The following B4GALNT2 variants were observed in gnomAD, a reference collection of about 807,000 sequenced individuals.
The protein encoded by B4GALNT2 is beta-1,4-N-acetyl-galactosaminyltransferase 2 (SID blood group).
B4GALNT2 carries 42 observed loss-of-function variants against 51.1 expected under a neutral mutation model. The observed-to-expected ratio is 0.82, with a 90% CI of 0.64 to 1.06. B4GALNT2 has a LOEUF of 1.06. Ranked by LOEUF, B4GALNT2 falls within the 50% of genes least tolerant of loss-of-function variation. The pLI, the probability that B4GALNT2 is intolerant of heterozygous loss-of-function variation, is 0.00. For synonymous variants in B4GALNT2, 253 were observed against 251.7 expected, an observed-to-expected ratio of 1.01 and a Z score of -0.05; for missense variants, 602 against 633.6, an observed-to-expected ratio of 0.95 and a Z score of 0.54.
chr17:49,143,668 G>A (rs2042666253), intron 3 of B4GALNT2, among the ~76,000 whole-genome samples: 1 of 152,188 alleles, frequency 6.6e-6, no homozygotes, highest in South Asian at 2.1e-4. Context: ...ACTGCAGACT[G>A]GGTAATTTAT....
At chr17:49,146,755 T>G (rs1202787298) in intron 3 of B4GALNT2, among the ~76,000 whole-genome samples, 1 of 152,224 alleles carries the variant, frequency 6.6e-6, no homozygotes, top group Non-Finnish European at 1.5e-5. Flanking sequence ...AAGGCCTCTA[T>G]GAGAGCTAAA....
upstream of B4GALNT2, chr17:49,132,628 G>A: frequency 1.4e-6 from 1 of 696,554 alleles, no homozygotes; most frequent in Non-Finnish European, 2.1e-6. Flanking sequence ...AGATGGGGGC[G>A]CTGGTGTGGG....
At chr17:49,141,637 A>C (rs6504600) in intron 2 of B4GALNT2, among the ~76,000 whole-genome samples, 190 bp downstream of exon 2, 12,199 of 152,212 alleles carry the variant, frequency 0.08, 605 homozygotes, top group South Asian at 0.15. Context: ...TCTCTATAGC[A>C]TCCAGCAAAA....
chr17:49,170,031 T>C lies in B4GALNT2; in HGVS notation c.*303T>C, dbSNP rs16946920. 0.11 allele frequency: 27,939 copies of C among 259,976 alleles called. 1,698 individuals carry two copies. The highest frequency in any genetic ancestry group is 0.19 in the South Asian group (1,201 of 6,446). The allele number at this position is 259,976 out of a possible 1,614,324, so 16.1% of individuals were successfully genotyped here. A position where few individuals can be genotyped will look rare whatever the true frequency, so the allele number is the denominator to read the frequency against. On this transcript the variant is annotated 3_prime_UTR_variant, in exon 11 of 11. Transcript: ENST00000393354. ...CATCTCATCTGATATCACACAAAGA[T>C]GACATTGGTTGGTGTCCTCAGTCAA...
intron 7 of B4GALNT2, among the ~76,000 whole-genome samples, chr17:49,163,682 G>C (rs1383200211): frequency 6.6e-6 from 1 of 151,076 alleles, no homozygotes; most frequent in Admixed American, 6.6e-5. Context: ...CTTGAACCTG[G>C]GAGGCGGAGG....
Position 49,139,650 on chromosome 17 carries a change from A to C in B4GALNT2, c.15-1597A>C, listed in dbSNP as rs112783284. On this transcript the variant is annotated intron_variant, in intron 1 of 10. Transcript: ENST00000393354. Reference sequence around the variant, plus strand: ...TCCTGACTTAGCCTCCTCAGTAGTTAGGACTATAGGCACATGCCACGGTGC... The same window carrying C: ...TCCTGACTTAGCCTCCTCAGTAGTTCGGACTATAGGCACATGCCACGGTGC... 7.1e-4 allele frequency among the ~76,000 whole-genome samples: 108 copies of C among 152,214 alleles called. 2 individuals carry two copies. Among genetic ancestry groups the C allele is most frequent in the African/African-American group, 2.5e-3 (103 of 41,532 alleles).
intron 4 of B4GALNT2, 120 bp from the exon 5 acceptor site, chr17:49,156,446 G>C: frequency 4.8e-6 from 5 of 1,044,704 alleles, no homozygotes; most frequent in Non-Finnish European, 7.3e-6. Context: ...ACTCTGGGCG[G>C]GAGGTGACAC....
chr17:49,131,462 GAAAAAAAAAAAAA>G (rs367790096), upstream of B4GALNT2, among the ~76,000 whole-genome samples: 2 of 100,290 alleles, frequency 2.0e-5, no homozygotes, highest in Admixed American at 1.2e-4. Flanking sequence ...CCCAGACTCC[GAAAAAAAAAAAAA>G]AAAAAAAAAA....
chr17:49,166,062 A>T (rs2042908110), intron 8 of B4GALNT2, 52 bp from the exon 9 acceptor site: 1 of 1,574,740 alleles, frequency 6.4e-7, no homozygotes, highest in East Asian at 2.3e-5. Context: ...TCCCCAGGTG[A>T]TTCTAATATG....
At chr17:49,168,655 C>G (rs375819955) in intron 9 of B4GALNT2, 26 bp from the exon 10 acceptor site, 1 of 1,605,680 alleles carries the variant, frequency 6.2e-7, no homozygotes, top group Non-Finnish European at 8.5e-7. Flanking sequence ...TGCACTCTAA[C>G]ATGGATTTCT....
rs549734693 is a variant in B4GALNT2, at chr17:49,175,691, C to T, written c.*5963C>T. ...TCCCTGTTGATCTGGGGGGTATATCCTAACAGGGAACTGCCAAGCCTCTAT... is the reference window on the plus strand; with the variant it reads ...TCCCTGTTGATCTGGGGGGTATATCTTAACAGGGAACTGCCAAGCCTCTAT... On this transcript the variant is annotated 3_prime_UTR_variant, in exon 11 of 11. Transcript: ENST00000393354. 6.6e-6 allele frequency: 1 copy of T among 152,234 alleles called. No homozygotes were observed. Among genetic ancestry groups the T allele is most frequent in the South Asian group, 2.1e-4 (1 of 4,826 alleles). 9.4% of individuals were successfully genotyped at this position (152,234 alleles called of 1,614,324 possible).
chr17:49,152,552 T>C (rs1346781039), intron 3 of B4GALNT2, among the ~76,000 whole-genome samples: 2 of 152,162 alleles, frequency 1.3e-5, no homozygotes, highest in Non-Finnish European at 2.9e-5. Context: ...GGCGCACTCC[T>C]ATAATCCCAG....
rs749384820 is a variant in B4GALNT2 at position 49,147,378 on chromosome 17, C to CTTTTTT, written c.353+5215_353+5220dup. Among the ~76,000 whole-genome samples the CTTTTTT allele has an allele frequency of 1.0e-3, 107 of 104,876 alleles. 1 individual carries two copies. The highest frequency in any genetic ancestry group is 3.0e-3 in the African/African-American group (101 of 33,892). 68.8% of individuals were successfully genotyped at this position (104,876 alleles called of 152,430 possible). A position where few individuals can be genotyped will look rare whatever the true frequency, so the allele number is the denominator to read the frequency against. On this transcript the variant is annotated intron_variant, in intron 3 of 10. Transcript: ENST00000393354. Reference sequence around the variant, plus strand: ...CTTTATTCTTTTCTTTTCTTTCTTTCTTTTTTTTTTTTTTGAGACAAGGTC... The same window carrying CTTTTTT: ...CTTTATTCTTTTCTTTTCTTTCTTTCTTTTTTTTTTTTTTTTTTTTGAGACAAGGTC...
Position 49,162,000 on chromosome 17 carries a change from C to A in B4GALNT2, c.766+1359C>A, listed in dbSNP as rs1053098004. 1.9e-4 allele frequency among the ~76,000 whole-genome samples: 28 copies of A among 150,442 alleles called. 1 individual carries two copies. Among genetic ancestry groups the A allele is most frequent in the African/African-American group, 6.3e-4 (26 of 41,216 alleles). ...TATATTAAAATTAGCAAATTTTTTT[C>A]TTTTTGAGACGGAGTCTTGCTCTGT... On this transcript the variant is annotated intron_variant, in intron 7 of 10. Coordinates refer to ENST00000393354, the MANE Select transcript of B4GALNT2 (RefSeq NM_001159387.2).
At chr17:49,160,270 G>A (rs1345815420) in intron 6 of B4GALNT2, among the ~76,000 whole-genome samples, 2 of 152,064 alleles carry the variant, frequency 1.3e-5, no homozygotes, top group Non-Finnish European at 2.9e-5. Flanking sequence ...ATAGTAAATG[G>A]TAAAGTCAAA....
upstream of B4GALNT2, chr17:49,132,550 T>G: frequency 2.5e-6 from 1 of 403,364 alleles, no homozygotes; most frequent in Non-Finnish European, 4.3e-6. Flanking sequence ...GACGCGGGGA[T>G]TGTGTTTTTC....
intron 10 of B4GALNT2, among the ~76,000 whole-genome samples, chr17:49,169,197 T>C (rs2042938768): frequency 6.6e-6 from 1 of 152,136 alleles, no homozygotes; most frequent in East Asian, 1.9e-4. Context: ...TTCTATTTTT[T>C]CAGAAATCCT....
chr17:49,168,609 C>T (rs549697135), intron 9 of B4GALNT2, 72 bp from the exon 10 acceptor site: 189 of 1,391,282 alleles, frequency 1.4e-4, no homozygotes, highest in Non-Finnish European at 1.7e-4. Flanking sequence ...TGCAGTCCAG[C>T]GAGTCTTCCT....
At chr17:49,152,937 G>T in intron 4 of B4GALNT2, 31 bp downstream of exon 4, 1 of 1,558,500 alleles carries the variant, frequency 6.4e-7, no homozygotes, top group Non-Finnish European at 8.8e-7. Context: ...AGAGACCCCA[G>T]ACAACATTCT....
Sources: gnomAD v4.1 joint callset for allele counts (sites outside exome capture counted in the v4.1 genomes callset) on GRCh38, gnomAD v4.1.1 for gene constraint, MANE v1.5 for transcripts, NCBI Gene and HGNC (gene_info 2026-07-23, HGNC 2026-07-21) for gene names.